The following SENP1 variants were observed in gnomAD, a reference collection of about 807,000 sequenced individuals.
The protein encoded by SENP1 is sentrin-specific protease 1.
SENP1 carries 21 observed loss-of-function variants against 93.0 expected under a neutral mutation model. The observed-to-expected ratio is 0.23, with a 90% confidence interval of 0.16 to 0.33. The LOEUF (loss-of-function observed/expected upper bound fraction) is 0.33, where lower values mean the gene tolerates loss of function less well. Among genes scored for constraint, SENP1 ranks in the 10% least tolerant of loss-of-function variants. SENP1 has a pLI of 1.00. For missense variants in SENP1, 591 were observed against 758.7 expected, an observed-to-expected ratio of 0.78 and a Z score of 2.60; for synonymous variants, 256 against 259.6, an observed-to-expected ratio of 0.99 and a Z score of 0.13.
rs375068925 is a variant in SENP1 at position 48,049,018 on chromosome 12, C to A, written c.1522G>T (p.Ala508Ser). The A allele has an allele frequency of 8.1e-6, 13 of 1,613,754 alleles. No homozygotes were observed. The South Asian group carries it at 1.2e-4, about 15-fold the overall frequency. The stretch of plus-strand genomic sequence containing the variant: ...ACTTTCTTTGTCCAACGTTTCACTG[C>A]CTGATAACCAGCCGTTTTTAATTTA... ...FTKLKTAGYQ[A>S]VKRWTKKVDV... The change falls in exon 14 of 18, where the codon GCA becomes TCA. Residue 508 changes from alanine to serine, a missense_variant. Ala to Ser is a moderately conservative substitution (Grantham distance 99). Coordinates refer to ENST00000549518, the MANE Select transcript of SENP1 (RefSeq NM_001267594.2).
rs758411937 is a variant in SENP1, at chr12:48,098,165, T to C, written c.5-41A>G. On this transcript the variant is annotated intron_variant, in intron 2 of 17. Transcript: ENST00000549518. ...GGATTAGTTCAAGTCACATAATTCT[T>C]CAATAACGTTTTTCCTATGAACCAA... 4 of 1,581,488 alleles carry C rather than the reference T, an allele frequency of 2.5e-6. 1 individual carries two copies. In the South Asian group the frequency reaches 3.5e-5, roughly 14 times the overall value.
In SENP1 at chr12:48,043,091, G is replaced by C. The variant is rs969545308; in HGVS notation, c.*2231C>G. On this transcript the variant is annotated 3_prime_UTR_variant, in exon 18 of 18. Transcript: ENST00000549518. ...AGCTCAGGAAAGAATGGTCCACTGT[G>C]TAAGTCTGTATTTGGACCAGGTCCA... 6.6e-6 allele frequency: 1 copy of C among 152,298 alleles called. No individual in the cohort carries two copies. The highest frequency in any genetic ancestry group is 2.4e-5 in the African/African-American group (1 of 41,348). The allele number at this position is 152,298 out of a possible 1,614,324, so 9.4% of individuals were successfully genotyped here.
At chr12:48,102,122 G>T (rs1945977765) in intron 1 of SENP1, among the ~76,000 whole-genome samples, 1 of 152,074 alleles carries the variant, frequency 6.6e-6, no homozygotes, top group Admixed American at 6.5e-5. Flanking sequence ...ACAAAATAAA[G>T]ATGTTAAAAA....
chr12:48,053,921 T>C (rs1034122395), intron 13 of SENP1, among the ~76,000 whole-genome samples: 5 of 152,184 alleles, frequency 3.3e-5, no homozygotes, highest in African/African-American at 9.7e-5. Flanking sequence ...TATGGGTTTA[T>C]AGAGTAGAAC....
chr12:48,049,086 T>C lies in SENP1; in HGVS notation c.1454A>G (p.Lys485Arg), dbSNP rs768615288. ...MNMLMERSKE[K>R]GLPSVHAFNT... ...AAATGCATGCACACTTGGCAAGCCCTTCTCTTTACTTCGCTCCATCAGCAT... is the reference window on the plus strand; with the variant it reads ...AAATGCATGCACACTTGGCAAGCCCCTCTCTTTACTTCGCTCCATCAGCAT... Residue 485 changes from lysine to arginine, a missense_variant, in exon 14 of 18, where the codon AAG (lysine) becomes AGG (arginine). By Grantham distance (26) the Lys-to-Arg change is conservative. Coordinates refer to ENST00000549518, the MANE Select transcript of SENP1 (RefSeq NM_001267594.2). 4 of 1,611,214 alleles carry C rather than the reference T, an allele frequency of 2.5e-6. No individual in the cohort carries two copies. The African/African-American group carries it at 5.4e-5, about 22-fold the overall frequency.
intron 6 of SENP1, among the ~76,000 whole-genome samples, chr12:48,078,008 T>G (rs754392741): frequency 2.2e-4 from 33 of 152,090 alleles, no homozygotes; most frequent in Non-Finnish European, 4.4e-4. Context: ...TGGAGATTGC[T>G]TTGAGTAGTA....
At chr12:48,099,621 A>T (rs1945788606) in intron 2 of SENP1, among the ~76,000 whole-genome samples, 1 of 152,096 alleles carries the variant, frequency 6.6e-6, no homozygotes. Flanking sequence ...GGAGTTTGAG[A>T]CCAGCCTGGC....
chr12:48,065,630 T>G lies in SENP1; in HGVS notation c.1085A>C (p.Glu362Ala). The G allele has an allele frequency of 1.3e-6, 2 of 1,562,408 alleles. No individual in the cohort carries two copies. Among genetic ancestry groups the G allele is most frequent in the Non-Finnish European group, 1.7e-6 (2 of 1,151,596 alleles). Residue 362 changes from glutamate (E) to alanine (A), a missense_variant, in exon 11 of 18, where the codon GAA becomes GCA. Glu to Ala is a moderately radical substitution (Grantham distance 107, BLOSUM62 -1). This residue lies in a region of SENP1 where 238 missense variants were observed against 259.1 expected (regional missense o/e 0.92). Coordinates refer to ENST00000549518, the MANE Select transcript of SENP1 (RefSeq NM_001267594.2). Reference sequence around the variant, plus strand: ...AAGCTGTAAGGCCAATGCCTTCTGTTCTTCAATCTGGCGCAATCTTTCTCG... The same window carrying G: ...AAGCTGTAAGGCCAATGCCTTCTGTGCTTCAATCTGGCGCAATCTTTCTCG... ...RARERLRQIE[E>A]QKALALQLQN...
At chr12:48,083,904 C>T in intron 5 of SENP1, 142 bp from the exon 6 acceptor site, 1 of 593,452 alleles carries the variant, frequency 1.7e-6, no homozygotes. Context: ...GGGAAAGATA[C>T]AATAAATGAA....
chr12:48,088,647 G>A, intron 5 of SENP1, 154 bp downstream of exon 5: 1 of 697,680 alleles, frequency 1.4e-6, no homozygotes, highest in South Asian at 1.9e-5. Context: ...ATGAGAAGTT[G>A]AAAATGTAAA....
Position 48,083,744 on chromosome 12 carries a change from A to G in SENP1, c.399T>C (p.Phe133=). The G allele has an allele frequency of 6.2e-7, 1 of 1,607,564 alleles. No homozygotes were observed. Reference sequence around the variant, plus strand: ...GGCAGTGATGGTTTGACTTTCCCGCAAAACTGTTTGATAATCCACTAAAAA... The same window carrying G: ...GGCAGTGATGGTTTGACTTTCCCGCGAAACTGTTTGATAATCCACTAAAAA... ...RKTSSGLSNS[F]AGKSNHHCHV... is the part of the protein sequence containing the mutation. The change falls in exon 6 of 18, where the codon TTT becomes TTC. Residue 133 remains phenylalanine (F), a synonymous_variant. Transcript: ENST00000549518.
At chr12:48,099,343 C>G (rs754731584) in intron 2 of SENP1, among the ~76,000 whole-genome samples, 1 of 151,436 alleles carries the variant, frequency 6.6e-6, no homozygotes, top group Non-Finnish European at 1.5e-5. Flanking sequence ...ACAACAACAA[C>G]AACAACAAAG....
Position 48,066,956 on chromosome 12 carries a change from G to C in SENP1, c.1005C>G (p.Phe335Leu). Residue 335 changes from phenylalanine to leucine, a missense_variant, in exon 10 of 18, where the codon TTC becomes TTG. Physicochemically the swap from Phe to Leu is conservative, Grantham distance 22 (BLOSUM62 0). This residue lies in a region of SENP1 where 238 missense variants were observed against 259.1 expected (regional missense o/e 0.92). Coordinates refer to ENST00000549518, the MANE Select transcript of SENP1 (RefSeq NM_001267594.2). ...DSQTPTPSST[F>L]FQAELWIKEL... ...CTTTGATCCACAGCTCTGCCTGGAA[G>C]AAAGTAGAACTATGGGTAGGAAAAG... 6.4e-7 allele frequency: 1 copy of C among 1,562,472 alleles called. No homozygotes were observed. The highest frequency in any genetic ancestry group is 1.2e-5 in the South Asian group (1 of 84,624).
chr12:48,096,354 C>T lies in SENP1; in HGVS notation c.209G>A (p.Ser70Asn). ...CSTRSAAYNP[S>N]YYSDNPSSDS... ...GTAATGTGTCATACCTGAGTAATAG[C>T]TTGGATTATAAGCTGCACTTCTTGT... The change falls in exon 4 of 18, where the codon AGC becomes AAC. Residue 70 changes from serine to asparagine, a missense_variant. Physicochemically the swap from Ser to Asn is conservative, Grantham distance 46. This residue lies in a region of SENP1 where 214 missense variants were observed against 243.4 expected (regional missense o/e 0.88). Coordinates refer to ENST00000549518, the MANE Select transcript of SENP1 (RefSeq NM_001267594.2). 2 of 1,598,942 alleles carry T rather than the reference C, an allele frequency of 1.3e-6. No individual in the cohort carries two copies. Among genetic ancestry groups the T allele is most frequent in the Non-Finnish European group, 1.7e-6 (2 of 1,166,876 alleles).
At chr12:48,105,868 A>T in intron 1 of SENP1, 160 bp downstream of exon 1, 1 of 604,460 alleles carries the variant, frequency 1.7e-6, no homozygotes, top group Non-Finnish European at 2.9e-6. Flanking sequence ...GGGGGAGGGG[A>T]GGTGGTCCCA....
intron 9 of SENP1, among the ~76,000 whole-genome samples, chr12:48,070,484 A>G (rs768826107): frequency 2.6e-5 from 4 of 152,166 alleles, no homozygotes; most frequent in African/African-American, 4.8e-5. Flanking sequence ...GGGACTTCAC[A>G]TTGTCCTTCA....
intron 13 of SENP1, among the ~76,000 whole-genome samples, chr12:48,051,729 A>T (rs1941829763): frequency 6.6e-6 from 1 of 152,246 alleles, no homozygotes; most frequent in Admixed American, 6.5e-5. Flanking sequence ...AGTGATGGTC[A>T]CAGCATTTGC....
intron 5 of SENP1, among the ~76,000 whole-genome samples, chr12:48,086,738 T>C (rs1026972768): frequency 6.6e-6 from 1 of 151,968 alleles, no homozygotes; most frequent in East Asian, 1.9e-4. Context: ...GTCATGTCAT[T>C]TAAAAAAAGG....
intron 2 of SENP1, among the ~76,000 whole-genome samples, chr12:48,100,748 C>A (rs1036363822): frequency 4.6e-5 from 7 of 152,034 alleles, no homozygotes; most frequent in Admixed American, 1.3e-4. Flanking sequence ...TCTAGGCGAG[C>A]TTCTTAACTT....
Sources: allele counts gnomAD v4.1 joint callset (sites outside exome capture counted in the v4.1 genomes callset), GRCh38; gene constraint gnomAD v4.1.1; regional missense constraint gnomAD v4.1.1; transcripts MANE v1.5; gene names NCBI Gene and HGNC (gene_info 2026-07-23, HGNC 2026-07-21).